The following SAMD12 variants were observed in gnomAD, a reference collection of about 807,000 sequenced individuals.
SAMD12 encodes the protein sterile alpha motif domain containing 12.
A neutral mutation model predicts 15.0 loss-of-function variants in SAMD12; 9 were observed. The observed-to-expected ratio is 0.60, with a 90% CI of 0.36 to 1.05. SAMD12 has a LOEUF of 1.05. Ranked by LOEUF, SAMD12 falls within the 50% of genes least tolerant of loss-of-function variation. The pLI is 0.01. For missense variants in SAMD12, 230 were observed against 234.2 expected, an observed-to-expected ratio of 0.98 and a Z score of 0.12; for synonymous variants, 86 against 90.1, an observed-to-expected ratio of 0.96 and a Z score of 0.25.
In SAMD12 at chr8:118,398,683, G is replaced by T. The variant is rs569853076; in HGVS notation, c.323-18983C>A. Among the ~76,000 whole-genome samples, 5 of 152,204 alleles carry T rather than the reference G, an allele frequency of 3.3e-5. 1 individual carries two copies. The South Asian group carries it at 1.0e-3, about 32-fold the overall frequency. ...AACTGCTTGACAAAGTAGATCAGTG[G>T]AATTGGGGGAGAAAGGTTGTGAAGA... On this transcript the variant is annotated intron_variant, in intron 3 of 3. Transcript: ENST00000314727.
At chr8:118,280,623 T>C (rs1244222944) in intron 4 of SAMD12, among the ~76,000 whole-genome samples, 1 of 152,144 alleles carries the variant, frequency 6.6e-6, no homozygotes, top group Non-Finnish European at 1.5e-5. Flanking sequence ...GTATATTACC[T>C]TCCAAAAGCA....
Position 118,239,526 on chromosome 8 carries a change from C to A in SAMD12, c.434-41794G>T, listed in dbSNP as rs1367495958. 3.3e-5 allele frequency among the ~76,000 whole-genome samples: 5 copies of A among 152,118 alleles called. No homozygotes were observed. In the East Asian group the frequency reaches 9.6e-4, roughly 29 times the overall value. ...TATTTTGTTCTACAGGTTACACAAC[C>A]TTAATGGGCACCAGTTTCCTCCCAG... is the stretch of plus-strand genomic sequence containing the variant. On this transcript the variant is annotated intron_variant, in intron 4 of 4. Transcript: ENST00000409003.
intron 4 of SAMD12, among the ~76,000 whole-genome samples, chr8:118,280,549 C>T (rs1382801334): frequency 6.6e-6 from 1 of 152,010 alleles, no homozygotes; most frequent in East Asian, 1.9e-4. Flanking sequence ...TACTATCATA[C>T]ATGATACATG....
At chr8:118,325,145 T>C (rs1226917577) in intron 4 of SAMD12, among the ~76,000 whole-genome samples, 5 of 152,228 alleles carry the variant, frequency 3.3e-5, no homozygotes, top group Non-Finnish European at 7.3e-5. Context: ...GATACTGCTT[T>C]AGTCTCGTGA....
the SAMD12 span, among the ~76,000 whole-genome samples, chr8:118,157,201 C>T: frequency 3.9e-5 from 6 of 152,108 alleles, no homozygotes; most frequent in Admixed American, 1.3e-4. Context: ...TTCAGGAAGA[C>T]GGATGTAGTC....
At chr8:118,231,646 A>C (rs1812312183) in intron 4 of SAMD12, among the ~76,000 whole-genome samples, 1 of 152,052 alleles carries the variant, frequency 6.6e-6, no homozygotes, top group Non-Finnish European at 1.5e-5. Context: ...AAAACTCTTT[A>C]TTGATTTATT....
intron 2 of SAMD12, among the ~76,000 whole-genome samples, chr8:118,440,390 C>T (rs16891024): frequency 0.024 from 3,631 of 152,158 alleles, 126 homozygotes; most frequent in African/African-American, 0.083. Flanking sequence ...CCAGGAAGTG[C>T]TAATAATATT....
In SAMD12 at chr8:118,379,328, C is replaced by T; in HGVS notation, c.*89G>A. Reference sequence around the variant, plus strand: ...CTGTACGTGACCACCTTGAAGTTAGCTCAGGTAATTCTGTTTGCTCATCCA... The same window carrying T: ...CTGTACGTGACCACCTTGAAGTTAGTTCAGGTAATTCTGTTTGCTCATCCA... On this transcript the variant is annotated 3_prime_UTR_variant, in exon 4 of 4. Transcript: ENST00000314727. 16 of 1,510,638 alleles carry T rather than the reference C, an allele frequency of 1.1e-5. No individual in the cohort carries two copies. Among genetic ancestry groups the T allele is most frequent in the Non-Finnish European group, 1.2e-5 (14 of 1,133,418 alleles). The allele number at this position is 1,510,638 out of a possible 1,614,324, so 93.6% of individuals were successfully genotyped here.
chr8:118,339,937 C>A (rs562205802), intron 4 of SAMD12, among the ~76,000 whole-genome samples: 75 of 152,364 alleles, frequency 4.9e-4, no homozygotes, highest in Non-Finnish European at 1.0e-3. Context: ...GGCGGCATGA[C>A]CGGCATTTAA....
intron 4 of SAMD12, chr8:118,284,338 A>G (rs993363155): frequency 1.5e-5 from 7 of 456,172 alleles, no homozygotes; most frequent in Non-Finnish European, 2.6e-5. Context: ...TTCTAACAAT[A>G]TAACAATATG....
chr8:118,227,497 A>G (rs1432577797), intron 4 of SAMD12, among the ~76,000 whole-genome samples: 13 of 152,124 alleles, frequency 8.5e-5, no homozygotes, highest in African/African-American at 2.9e-4. Context: ...AAACCTGCAC[A>G]TGTACCCAGA....
At chr8:118,391,583 G>A (rs1820278915) in intron 3 of SAMD12, among the ~76,000 whole-genome samples, 1 of 152,166 alleles carries the variant, frequency 6.6e-6, no homozygotes, top group African/African-American at 2.4e-5. Flanking sequence ...GGGCATGCTG[G>A]TTCCTACATG....
chr8:118,544,661 G>A (rs1826074837), intron 2 of SAMD12, among the ~76,000 whole-genome samples: 1 of 152,174 alleles, frequency 6.6e-6, no homozygotes, highest in African/African-American at 2.4e-5. Context: ...TTCAGAGACA[G>A]CCAAAAACCA....
At chr8:118,565,058 G>A (rs1826809614) in intron 2 of SAMD12, among the ~76,000 whole-genome samples, 1 of 152,192 alleles carries the variant, frequency 6.6e-6, no homozygotes, top group Non-Finnish European at 1.5e-5. Flanking sequence ...AAGAACCCAG[G>A]AGGGGAGGGG....
intron 2 of SAMD12, among the ~76,000 whole-genome samples, chr8:118,496,265 C>A (rs530275235): frequency 6.6e-6 from 1 of 152,156 alleles, no homozygotes; most frequent in African/African-American, 2.4e-5. Flanking sequence ...GTAGATAAAG[C>A]AATCCTGAGC....
chr8:118,143,700 G>A, the SAMD12 span, among the ~76,000 whole-genome samples: 2 of 152,140 alleles, frequency 1.3e-5, no homozygotes, highest in African/African-American at 4.8e-5. Context: ...CAACTTTCTA[G>A]GCACGGGCAA....
At chr8:118,515,674 C>A (rs1825222080) in intron 2 of SAMD12, among the ~76,000 whole-genome samples, 4 of 152,128 alleles carry the variant, frequency 2.6e-5, no homozygotes, top group Non-Finnish European at 2.9e-5. Context: ...CCCCAGGTAC[C>A]TTCCTCACTG....
chr8:118,168,121 C>T, the SAMD12 span, among the ~76,000 whole-genome samples: 1 of 152,222 alleles, frequency 6.6e-6, no homozygotes, highest in Non-Finnish European at 1.5e-5. Flanking sequence ...TCCTCATTTT[C>T]TCTTGCTGCT....
chr8:118,446,146 C>T (rs1007718764), intron 2 of SAMD12, among the ~76,000 whole-genome samples: 4 of 151,090 alleles, frequency 2.6e-5, no homozygotes, highest in African/African-American at 7.3e-5. Flanking sequence ...TTTAAGAGTG[C>T]GACAAAGTCC....
Sources: gnomAD v4.1 joint callset for allele counts (sites outside exome capture counted in the v4.1 genomes callset) on GRCh38, gnomAD v4.1.1 for gene constraint, MANE v1.5 for transcripts, NCBI Gene and HGNC (gene_info 2026-07-23, HGNC 2026-07-21) for gene names.